RPL3L: variants seen among roughly 807,000 people sequenced by gnomAD.
RPL3L encodes the protein ribosomal protein uL3-like.
RPL3L carries 44 observed loss-of-function variants against 44.5 expected under a neutral mutation model. The observed-to-expected ratio is 0.99, with a 90% confidence interval of 0.78 to 1.27. The LOEUF (loss-of-function observed/expected upper bound fraction) is 1.27. Ranked by LOEUF, RPL3L falls within the 50% of genes most tolerant of loss-of-function variation. The probability of loss-of-function intolerance (pLI) is 0.00; values close to 1 mark genes in which losing one functional copy is unlikely to be tolerated. For missense variants in RPL3L, 631 were observed against 569.1 expected, an observed-to-expected ratio of 1.11 and a Z score of -1.11; for synonymous variants, 292 against 230.7, an observed-to-expected ratio of 1.27 and a Z score of -2.41.
intron 4 of RPL3L, among the ~76,000 whole-genome samples, chr16:1,949,244 G>GTTTTTTTGTTTTTTCTTTTTTTT (rs2083149813): frequency 1.2e-5 from 1 of 81,960 alleles, no homozygotes; most frequent in Non-Finnish European, 2.6e-5. Flanking sequence ...CCTGATTTTT[G>GTTTTTTTGTTTTTTCTTTTTTTT]TTTTTTTTTT....
rs148367011 is a variant in RPL3L, at chr16:1,954,021, G to A, written c.131C>T (p.Thr44Met). 86 of 1,604,408 alleles carry A rather than the reference G, an allele frequency of 5.4e-5. No homozygotes were observed. Among genetic ancestry groups the A allele is most frequent in the African/African-American group, 6.7e-5 (5 of 74,612 alleles). The change falls in exon 2 of 10, where the codon ACG (threonine) becomes ATG (methionine). Residue 44 changes from threonine to methionine, a missense_variant. Physicochemically the swap from Thr to Met is moderately conservative, Grantham distance 81. Transcript: ENST00000268661. ...GCCCGCCTTGTAGCCCAGGAAGGCC[G>A]TGAGGTGCACGGGCTGGCTGGGGTC... ...RDDPSQPVHL[T>M]AFLGYKAGMT...
At position 1,947,281 on chromosome 16, in the gene RPL3L, G is replaced by C. The variant is rs138721490; in HGVS notation, c.601C>G (p.Leu201Val). 6.2e-7 allele frequency: 1 copy of C among 1,613,322 alleles called. No homozygotes were observed. The highest frequency in any genetic ancestry group is 1.3e-5 in the African/African-American group (1 of 75,062). The change falls in exon 5 of 10, where the codon CTG becomes GTG. Residue 201 changes from leucine (L) to valine (V), a missense_variant. Transcript: ENST00000268661. ...CTGTGCACGGGCACCTGCTTCTCCA[G>C]CCGGGCCTGGGCCCAGGCCACCTTC... ...AEKVAWAQAR[L>V]EKQVPVHSVF... is the part of the protein sequence containing the mutation.
Position 1,944,035 on chromosome 16 carries a change from C to G in RPL3L, c.*802G>C, listed in dbSNP as rs1455891980. On this transcript the variant is annotated 3_prime_UTR_variant, in exon 10 of 10. Transcript: ENST00000268661. ...TGTTGGCCAGGCTGGTCTTGAACTCCCGACCTCAGGTGATCCGCCCATCTT... is the reference window on the plus strand; with the variant it reads ...TGTTGGCCAGGCTGGTCTTGAACTCGCGACCTCAGGTGATCCGCCCATCTT... 1 of 152,156 alleles carries G rather than the reference C, an allele frequency of 6.6e-6. No homozygotes were observed. The highest frequency in any genetic ancestry group is 2.1e-4 in the South Asian group (1 of 4,836). 9.4% of individuals were successfully genotyped at this position (152,156 alleles called of 1,614,324 possible).
chr16:1,945,175 G>A (rs559956913), intron 9 of RPL3L, among the ~76,000 whole-genome samples: 1 of 152,036 alleles, frequency 6.6e-6, no homozygotes, highest in African/African-American at 2.4e-5. Flanking sequence ...CTAATACGAT[G>A]AAACCCCATC....
rs1453349603 is a variant in RPL3L at position 1,952,932 on chromosome 16, T to C, written c.307A>G (p.Lys103Glu). 1 of 1,613,968 alleles carries C rather than the reference T, an allele frequency of 6.2e-7. No individual in the cohort carries two copies. Among genetic ancestry groups the C allele is most frequent in the African/African-American group, 1.3e-5 (1 of 75,034 alleles). ...VATPRGLRSF[K>E]TIFAEHLSDE... ...CTGAGGTGTTCTGCAAAGATGGTCT[T>C]GAAGCTCCGGAGACCTCGAGGGGTG... is the stretch of plus-strand genomic sequence containing the variant. The change falls in exon 3 of 10, where the codon AAG becomes GAG. Residue 103 changes from lysine (K) to glutamate (E), a missense_variant. Lys to Glu is a moderately conservative substitution (Grantham distance 56). Coordinates refer to ENST00000268661, the MANE Select transcript of RPL3L (RefSeq NM_005061.3).
At chr16:1,951,750 T>A (rs1272987521) in intron 3 of RPL3L, among the ~76,000 whole-genome samples, 3 of 147,630 alleles carry the variant, frequency 2.0e-5, no homozygotes, top group African/African-American at 7.4e-5. Flanking sequence ...TTATTATTAT[T>A]ATTATTATTA....
chr16:1,952,490 C>G (rs2083177311), intron 3 of RPL3L, among the ~76,000 whole-genome samples: 2 of 152,140 alleles, frequency 1.3e-5, no homozygotes, highest in Admixed American at 1.3e-4. Context: ...ATTCTCCCAC[C>G]TCAGCCTCCT....
rs904599996 is a variant in RPL3L, at chr16:1,944,634, C to T, written c.*203G>A. 7.7e-5 allele frequency: 46 copies of T among 594,386 alleles called. No homozygotes were observed. The African/African-American group carries it at 8.3e-4, about 11-fold the overall frequency. 36.8% of individuals were successfully genotyped at this position (594,386 alleles called of 1,614,324 possible). The stretch of plus-strand genomic sequence containing the variant: ...AAACATAAAACTCCGGTCTCCCGCA[C>T]AGCCAGCTCTGTGTGAATTACTCTT... On this transcript the variant is annotated 3_prime_UTR_variant, in exon 10 of 10. Coordinates refer to ENST00000268661, the MANE Select transcript of RPL3L (RefSeq NM_005061.3).
At chr16:1,953,161 T>C (rs1440185567) in intron 2 of RPL3L, 119 bp from the exon 3 acceptor site, 1 of 1,031,728 alleles carries the variant, frequency 9.7e-7, no homozygotes, top group Non-Finnish European at 1.4e-6. Flanking sequence ...CAGGACAGCA[T>C]TCCCCAGAGG....
intron 1 of RPL3L, 37 bp from the exon 2 acceptor site, chr16:1,954,185 G>A: frequency 6.7e-7 from 1 of 1,499,748 alleles, no homozygotes; most frequent in South Asian, 1.3e-5. Context: ...GACCTGGGGT[G>A]TCCCTGGTGG....
intron 3 of RPL3L, among the ~76,000 whole-genome samples, chr16:1,952,484 T>C (rs1407686878): frequency 6.6e-6 from 1 of 152,152 alleles, no homozygotes; most frequent in Non-Finnish European, 1.5e-5. Flanking sequence ...CAAGTGATTC[T>C]CCCACCTCAG....
At chr16:1,952,710 AACACACAC>A (rs142507470) in intron 3 of RPL3L, among the ~76,000 whole-genome samples, 156 bp downstream of exon 3, 1 of 150,594 alleles carries the variant, frequency 6.6e-6, no homozygotes, top group Non-Finnish European at 1.5e-5. Context: ...GCAACCACAC[AACACACAC>A]ACACACACAC....
chr16:1,945,733 C>A, intron 8 of RPL3L, 102 bp downstream of exon 8: 1 of 1,602,778 alleles, frequency 6.2e-7, no homozygotes. Context: ...AGAGCCCTCC[C>A]CTTCTGCTCC....
intron 7 of RPL3L, 108 bp downstream of exon 7, chr16:1,946,517 C>A: frequency 8.7e-7 from 1 of 1,154,940 alleles, no homozygotes; most frequent in Non-Finnish European, 1.2e-6. Context: ...CCAGCTGAGG[C>A]TGGGGCATGC....
At chr16:1,952,746 C>T in intron 3 of RPL3L, 128 bp downstream of exon 3, 1 of 1,073,138 alleles carries the variant, frequency 9.3e-7, no homozygotes, top group Admixed American at 2.2e-5. Context: ...CTCCTACCTC[C>T]CACAGACGGT....
chr16:1,954,591 C>T (rs755503171), intron 1 of RPL3L, 38 bp downstream of exon 1: 2 of 1,540,162 alleles, frequency 1.3e-6, no homozygotes, highest in South Asian at 1.2e-5. Flanking sequence ...AGAGTTCCAG[C>T]TCCAACCCCA....
chr16:1,945,577 A>G lies in RPL3L; in HGVS notation c.1089T>C (p.Ile363=), dbSNP rs1351279828. Residue 363 remains isoleucine (I), a synonymous_variant, in exon 9 of 10, where the codon ATT becomes ATC. Transcript: ENST00000268661. ...VHHSRQAVEN[I]ELKFIDTTSK... ...AGGTGGTGTCAATGAACTTGAGCTC[A>G]ATATTCTCCACGGCTTGGCGACTGT... 1.2e-6 allele frequency: 2 copies of G among 1,613,902 alleles called. No individual in the cohort carries two copies. The highest frequency in any genetic ancestry group is 4.5e-5 in the East Asian group (2 of 44,846).
At chr16:1,952,761 A>G in intron 3 of RPL3L, 113 bp downstream of exon 3, 1 of 1,245,354 alleles carries the variant, frequency 8.0e-7, no homozygotes, top group Non-Finnish European at 1.1e-6. Flanking sequence ...GACGGTTGAG[A>G]CTTCGCTTCC....
Position 1,950,994 on chromosome 16 carries a change from G to A in RPL3L, c.366-15C>T, listed in dbSNP as rs1312693755. 1.9e-6 allele frequency: 3 copies of A among 1,612,644 alleles called. No homozygotes were observed. The highest frequency in any genetic ancestry group is 1.7e-5 in the Admixed American group (1 of 59,930). On this transcript the variant is annotated splice_polypyrimidine_tract_variant and intron_variant, in intron 3 of 9. Transcript: ENST00000268661. ...TGCTCTTGTGCCTGAGCCATGCACA[G>A]GAGGGTGCTCAGAAGCCCCCAACCG...
Sources: allele counts gnomAD v4.1 joint callset (sites outside exome capture counted in the v4.1 genomes callset), GRCh38; gene constraint gnomAD v4.1.1; transcripts MANE v1.5; gene names NCBI Gene and HGNC (gene_info 2026-07-23, HGNC 2026-07-21).